The following DNAAF4 variants were observed in gnomAD, a reference collection of about 807,000 sequenced individuals.
DNAAF4 encodes dynein assembly factor 4, axonemal.
A neutral mutation model predicts 51.8 loss-of-function variants in DNAAF4; 43 were observed. The ratio of observed to expected loss-of-function variants is 0.83; its 90% CI spans 0.65 to 1.07. DNAAF4 has a LOEUF of 1.07. Ranked by LOEUF, DNAAF4 falls within the 50% of genes least tolerant of loss-of-function variation. The pLI is 0.00. For missense variants in DNAAF4, 581 were observed against 493.0 expected, an observed-to-expected ratio of 1.18 and a Z score of -1.69; for synonymous variants, 194 against 165.6, an observed-to-expected ratio of 1.17 and a Z score of -1.32.
chr15:55,428,117 C>A (rs975259880), downstream of DNAAF4, among the ~76,000 whole-genome samples: 1 of 151,836 alleles, frequency 6.6e-6, no homozygotes, highest in African/African-American at 2.4e-5. Flanking sequence ...CCATGCCCGG[C>A]TAATTTTTGT....
chr15:55,475,641 T>C (rs914754107), intron 4 of DNAAF4, among the ~76,000 whole-genome samples: 1 of 152,188 alleles, frequency 6.6e-6, no homozygotes, highest in African/African-American at 2.4e-5. Context: ...CCTTTGAGCA[T>C]TGTGTTGGTG....
chr15:55,442,503 G>A (rs1315906242), intron 6 of DNAAF4: 6 of 729,870 alleles, frequency 8.2e-6, no homozygotes, highest in Non-Finnish European at 1.5e-5. Flanking sequence ...GTATTCAGAA[G>A]GCTGTTTCGG....
intron 4 of DNAAF4, among the ~76,000 whole-genome samples, chr15:55,471,671 G>A (rs540829759): frequency 2.6e-5 from 4 of 151,594 alleles, no homozygotes; most frequent in South Asian, 2.1e-4. Flanking sequence ...CCACTACCAC[G>A]CCCGGCTAAT....
intron 1 of DNAAF4, among the ~76,000 whole-genome samples, chr15:55,503,175 A>G (rs537041568): frequency 6.6e-6 from 1 of 152,374 alleles, no homozygotes; most frequent in East Asian, 1.9e-4. Context: ...GAAAATCTAG[A>G]AGAAATGCAT....
intron 1 of DNAAF4, among the ~76,000 whole-genome samples, chr15:55,499,012 G>T (rs1374828205): frequency 1.3e-5 from 2 of 152,160 alleles, no homozygotes; most frequent in Non-Finnish European, 2.9e-5. Flanking sequence ...TAAGGCTCGG[G>T]AAAGCAGCCC....
At chr15:55,486,949 ACT>A (rs1189631271) in intron 4 of DNAAF4, among the ~76,000 whole-genome samples, 3 of 152,006 alleles carry the variant, frequency 2.0e-5, no homozygotes, top group Non-Finnish European at 4.4e-5. Flanking sequence ...CTTAACAAAA[ACT>A]CTGCCTCCTC....
At chr15:55,478,697 T>C (rs2058368339) in intron 4 of DNAAF4, among the ~76,000 whole-genome samples, 2 of 152,148 alleles carry the variant, frequency 1.3e-5, no homozygotes. Flanking sequence ...GCATGACATA[T>C]TTGACTTCAA....
rs763485815 is a variant in DNAAF4 at position 55,439,600 on chromosome 15, CT to C, written c.784-20del. 3 of 1,595,846 alleles carry C rather than the reference CT, an allele frequency of 1.9e-6. No homozygotes were observed. The highest frequency in any genetic ancestry group is 2.6e-6 in the Non-Finnish European group (3 of 1,170,682). On this transcript the variant is annotated intron_variant, in intron 6 of 9. Coordinates refer to ENST00000321149, the MANE Select transcript of DNAAF4 (RefSeq NM_130810.4). ...GTAGCCACTAGAATGAGAAAGAAGT[CT>C]TATGAAGAATAAAAAGGTCTTTTTT...
chr15:55,501,539 C>G (rs2058698840), intron 1 of DNAAF4, among the ~76,000 whole-genome samples: 1 of 147,418 alleles, frequency 6.8e-6, no homozygotes, highest in Non-Finnish European at 1.5e-5. Flanking sequence ...CCGCATCCGG[C>G]TGATTTTTTG....
intron 1 of DNAAF4, among the ~76,000 whole-genome samples, chr15:55,502,643 G>GT (rs2058705676): frequency 6.6e-6 from 1 of 152,058 alleles, no homozygotes; most frequent in Non-Finnish European, 1.5e-5. Flanking sequence ...GTGATGACTG[G>GT]TAAAAAAAAG....
intron 5 of DNAAF4, among the ~76,000 whole-genome samples, chr15:55,455,401 T>TATATATATATATATATATAC (rs2058004194): frequency 6.8e-6 from 1 of 147,008 alleles, no homozygotes; most frequent in African/African-American, 2.5e-5. Flanking sequence ...TATATATATA[T>TATATATATATATATATATAC]ATATATATAT....
At chr15:55,446,774 C>G (rs369743484) in intron 6 of DNAAF4, among the ~76,000 whole-genome samples, 11 of 143,938 alleles carry the variant, frequency 7.6e-5, no homozygotes, top group South Asian at 4.5e-4. Context: ...GGTGGCCAGG[C>G]AGAGGCGCTC....
At chr15:55,486,150 G>T (rs1488248617) in intron 4 of DNAAF4, among the ~76,000 whole-genome samples, 1 of 150,764 alleles carries the variant, frequency 6.6e-6, no homozygotes, top group East Asian at 1.9e-4. Flanking sequence ...TTCTGTTGAT[G>T]ACCCTGCCTC....
chr15:55,474,790 C>T (rs2058313286), intron 4 of DNAAF4, among the ~76,000 whole-genome samples: 1 of 152,052 alleles, frequency 6.6e-6, no homozygotes. Flanking sequence ...ACCAGCCTGG[C>T]CAACATGGTG....
chr15:55,497,460 C>A (rs376217179), intron 3 of DNAAF4, among the ~76,000 whole-genome samples: 1 of 151,830 alleles, frequency 6.6e-6, no homozygotes, highest in African/African-American at 2.4e-5. Flanking sequence ...TTTAGCCGGG[C>A]GTGGTGGCGG....
chr15:55,507,877 A>C (rs62020008), intron 1 of DNAAF4, among the ~76,000 whole-genome samples: 3,481 of 152,226 alleles, frequency 0.023, 67 homozygotes, highest in Non-Finnish European at 0.033. Flanking sequence ...AATACAAATA[A>C]AATTAAATAC....
chr15:55,500,502 C>T (rs908246555), intron 1 of DNAAF4, among the ~76,000 whole-genome samples: 5 of 152,038 alleles, frequency 3.3e-5, no homozygotes, highest in African/African-American at 9.7e-5. Context: ...CCAGGTTCTC[C>T]CACTATACAG....
downstream of DNAAF4, among the ~76,000 whole-genome samples, chr15:55,425,830 G>C (rs758465940): frequency 6.6e-6 from 1 of 152,096 alleles, no homozygotes; most frequent in Non-Finnish European, 1.5e-5. Context: ...TGTATGGAAG[G>C]CCACTGATTT....
intron 4 of DNAAF4, among the ~76,000 whole-genome samples, chr15:55,470,836 A>T (rs1258318699): frequency 3.1e-5 from 4 of 128,488 alleles, no homozygotes; most frequent in Admixed American, 8.7e-5. Flanking sequence ...ATGAGCTACT[A>T]TGCCTGGCGG....
Sources: allele counts gnomAD v4.1 joint callset (sites outside exome capture counted in the v4.1 genomes callset), GRCh38; gene constraint gnomAD v4.1.1; transcripts MANE v1.5; gene names NCBI Gene and HGNC (gene_info 2026-07-23, HGNC 2026-07-21).